The following EYS variants were observed in gnomAD, a reference collection of about 807,000 sequenced individuals.
EYS encodes the protein protein eyes shut homolog.
Under a neutral mutation model 282.1 loss-of-function variants are expected in EYS, and 250 were observed. The ratio of observed to expected loss-of-function variants is 0.89; its 90% confidence interval spans 0.80 to 0.98. EYS has a LOEUF of 0.98. Ranked by LOEUF, EYS falls within the 50% of genes least tolerant of loss-of-function variation. EYS has a pLI of 0.00. For synonymous variants in EYS, 1,355 were observed against 1,282.9 expected, an observed-to-expected ratio of 1.06 and a Z score of -1.20; for missense variants, 4,016 against 3,709.0, an observed-to-expected ratio of 1.08 and a Z score of -2.15.
At chr6:64,297,347 C>A (rs570963858) in intron 30 of EYS, among the ~76,000 whole-genome samples, 2 of 151,450 alleles carry the variant, frequency 1.3e-5, no homozygotes, top group South Asian at 2.1e-4. Context: ...TCAAAAATAA[C>A]TGCATATATG....
In EYS at chr6:65,034,275, G is replaced by A. The variant is rs139237414; in HGVS notation, c.2137+23339C>T. Among the ~76,000 whole-genome samples the A allele has an allele frequency of 7.9e-5, 12 of 152,254 alleles. No individual in the cohort carries two copies. In the East Asian group the frequency reaches 2.1e-3, roughly 27 times the overall value. Reference sequence around the variant, plus strand: ...TGTCTCAGGCAAAACTTTGTACTTTGAGTTAATGAAATGAATTAAATCTTT... The same window carrying A: ...TGTCTCAGGCAAAACTTTGTACTTTAAGTTAATGAAATGAATTAAATCTTT... On this transcript the variant is annotated intron_variant, in intron 13 of 42. Transcript: ENST00000503581.
intron 30 of EYS, among the ~76,000 whole-genome samples, chr6:64,293,033 T>C (rs187438622): frequency 7.9e-5 from 12 of 152,222 alleles, no homozygotes; most frequent in Admixed American, 7.2e-4. Context: ...CTGTTAATGA[T>C]ATCAATATGT....
chr6:65,420,253 A>G (rs958174607), intron 5 of EYS, among the ~76,000 whole-genome samples: 2 of 151,980 alleles, frequency 1.3e-5, no homozygotes, highest in Non-Finnish European at 2.9e-5. Flanking sequence ...ACTTGGTTTT[A>G]CCAACCAAAT....
intron 33 of EYS, among the ~76,000 whole-genome samples, chr6:64,012,988 AGTC>A (rs1166540517): frequency 6.6e-6 from 1 of 152,178 alleles, no homozygotes; most frequent in Non-Finnish European, 1.5e-5. Flanking sequence ...TCTGGATGAT[AGTC>A]ATGTGGCGGT....
At chr6:63,778,793 G>A (rs1582198242) in intron 39 of EYS, among the ~76,000 whole-genome samples, 1 of 152,214 alleles carries the variant, frequency 6.6e-6, no homozygotes, top group Non-Finnish European at 1.5e-5. Flanking sequence ...GGACTCAGGA[G>A]ACTGGGATAC....
At chr6:64,288,420 G>A in intron 30 of EYS, among the ~76,000 whole-genome samples, 1 of 151,970 alleles carries the variant, frequency 6.6e-6, no homozygotes, top group Middle Eastern at 3.2e-3. Flanking sequence ...GTTCCTCTTT[G>A]CCTCACCGTT....
intron 12 of EYS, among the ~76,000 whole-genome samples, chr6:65,139,380 A>G (rs1226182449): frequency 6.6e-6 from 1 of 152,120 alleles, no homozygotes; most frequent in African/African-American, 2.4e-5. Flanking sequence ...GAATCTAAAC[A>G]GTGAGTACCT....
At chr6:65,157,799 C>T (rs928487751) in intron 12 of EYS, among the ~76,000 whole-genome samples, 14 of 150,094 alleles carry the variant, frequency 9.3e-5, no homozygotes, top group Admixed American at 6.0e-4. Context: ...GTTTTTTCCC[C>T]CCATATTATA....
intron 8 of EYS, among the ~76,000 whole-genome samples, chr6:65,362,905 T>C (rs1764767765): frequency 6.6e-6 from 1 of 152,052 alleles, no homozygotes; most frequent in Admixed American, 6.6e-5. Context: ...AAAAGAAAAT[T>C]AGAAAAGTTA....
rs529022977 is a variant in EYS at position 64,044,774 on chromosome 6, A to G, written c.6725+21564T>C. 4.6e-5 allele frequency among the ~76,000 whole-genome samples: 7 copies of G among 152,274 alleles called. No individual in the cohort carries two copies. In the East Asian group the frequency reaches 1.4e-3, roughly 29 times the overall value. On this transcript the variant is annotated intron_variant, in intron 33 of 42. Coordinates refer to ENST00000503581, the MANE Select transcript of EYS (RefSeq NM_001142800.2). ...ATGATAAACTTTATGGTGAGAACAT[A>G]TGATTTACTATGCCAAGCTGTTTTG...
At chr6:63,800,887 T>C (rs1475895070) in intron 37 of EYS, among the ~76,000 whole-genome samples, 1 of 152,200 alleles carries the variant, frequency 6.6e-6, no homozygotes, top group South Asian at 2.1e-4. Context: ...GGCAGTGTTT[T>C]GGAGGCATGC....
chr6:64,019,088 A>G (rs1396871496), intron 33 of EYS, among the ~76,000 whole-genome samples: 2 of 152,010 alleles, frequency 1.3e-5, no homozygotes, highest in Admixed American at 1.3e-4. Flanking sequence ...AAATGTTCTT[A>G]TAAGAGAGAA....
rs555722831 is a variant in EYS at position 64,856,381 on chromosome 6, T to C, written c.2992+30316A>G. Among the ~76,000 whole-genome samples the C allele has an allele frequency of 2.1e-4, 32 of 152,242 alleles. No individual in the cohort carries two copies. In the South Asian group the frequency reaches 6.4e-3, roughly 31 times the overall value. The stretch of plus-strand genomic sequence containing the variant: ...AGTGGCACAATCTCAGTTCACTGCA[T>C]GCTCAACTTCCCAGGCTAAGGTGAT... On this transcript the variant is annotated intron_variant, in intron 19 of 42. Coordinates refer to ENST00000503581, the MANE Select transcript of EYS (RefSeq NM_001142800.2).
chr6:65,246,287 T>C (rs559993312), intron 12 of EYS, among the ~76,000 whole-genome samples: 23 of 152,136 alleles, frequency 1.5e-4, no homozygotes, highest in Non-Finnish European at 3.4e-4. Context: ...ACAGAGAGTA[T>C]AGGTGACTTT....
At chr6:64,327,804 T>G (rs2150388513) in intron 29 of EYS, among the ~76,000 whole-genome samples, 1 of 152,182 alleles carries the variant, frequency 6.6e-6, no homozygotes, top group African/African-American at 2.4e-5. Flanking sequence ...ATGCACCAAT[T>G]TATCCATCCC....
At chr6:64,009,239 C>T (rs1280557951) in intron 33 of EYS, among the ~76,000 whole-genome samples, 1 of 150,620 alleles carries the variant, frequency 6.6e-6, no homozygotes, top group Non-Finnish European at 1.5e-5. Context: ...AGATTCTTTC[C>T]TCCGCTTGGT....
intron 30 of EYS, among the ~76,000 whole-genome samples, chr6:64,305,094 C>G (rs987434740): frequency 6.6e-6 from 1 of 152,112 alleles, no homozygotes; most frequent in Non-Finnish European, 1.5e-5. Context: ...AAAGAAGACT[C>G]AATTAACTGA....
intron 12 of EYS, among the ~76,000 whole-genome samples, chr6:65,294,924 A>C (rs968151666): frequency 2.6e-5 from 4 of 151,860 alleles, no homozygotes; most frequent in Non-Finnish European, 5.9e-5. Context: ...TTTGCGCTCA[A>C]ATTTATTTTT....
chr6:65,231,111 G>GTATTTATATATACATACTTTTATATA (rs1766765180), intron 12 of EYS, among the ~76,000 whole-genome samples: 1 of 101,190 alleles, frequency 9.9e-6, no homozygotes, highest in Non-Finnish European at 2.0e-5. Context: ...TTATATATAT[G>GTATTTATATATACATACTTTTATATA]TATTTATATA....
Sources: gnomAD v4.1 joint callset for allele counts (sites outside exome capture counted in the v4.1 genomes callset) on GRCh38, gnomAD v4.1.1 for gene constraint, MANE v1.5 for transcripts, NCBI Gene and HGNC (gene_info 2026-07-23, HGNC 2026-07-21) for gene names.